ZC4H2: variants seen among roughly 807,000 people sequenced by gnomAD.
ZC4H2 encodes the protein zinc finger C4H2 domain-containing protein.
For missense variants in ZC4H2, 137 were observed against 173.9 expected (o/e 0.79, Z 1.19); for synonymous variants, 84 against 66.3 (o/e 1.27, Z -1.30).
chrX:64,952,208 G>C (rs1286152660), intron 1 of ZC4H2, among the ~76,000 whole-genome samples: 2 of 110,472 alleles, frequency 1.8e-5, no homozygotes, highest in East Asian at 2.8e-4. Flanking sequence ...CTGTAGCCTT[G>C]AAGTATAGTT....
intron 1 of ZC4H2, among the ~76,000 whole-genome samples, chrX:65,017,870 G>GA (rs1383798453): frequency 5.4e-5 from 6 of 112,029 alleles, no homozygotes; most frequent in African/African-American, 1.9e-4. Context: ...GGGTGAAACA[G>GA]AAAAAAATTG....
rs191001759 is a variant in ZC4H2, at chrX:64,926,977, T to C, written c.54-4989A>G. Among the ~76,000 whole-genome samples the C allele has an allele frequency of 1.4e-3, 151 of 111,805 alleles. 1 individual carries two copies. Among genetic ancestry groups the C allele is most frequent in the Middle Eastern group, 4.6e-3 (1 of 217 alleles). ...TATTTGTTTTCTCACTGTTGAGTTTTAATATTTCTTTATATATTCTAGATT... is the reference window on the plus strand; with the variant it reads ...TATTTGTTTTCTCACTGTTGAGTTTCAATATTTCTTTATATATTCTAGATT... On this transcript the variant is annotated intron_variant, in intron 1 of 4. Transcript: ENST00000374839.
chrX:64,976,705 A>G (rs987121018), upstream of ZC4H2, among the ~76,000 whole-genome samples: 6 of 111,826 alleles, frequency 5.4e-5, no homozygotes, highest in African/African-American at 2.0e-4. Flanking sequence ...CGTGTGTGGG[A>G]AAATGGAGAA....
intron 1 of ZC4H2, among the ~76,000 whole-genome samples, chrX:64,990,412 T>C (rs1602441516): frequency 9.0e-6 from 1 of 111,036 alleles, no homozygotes; most frequent in East Asian, 2.9e-4. Context: ...ATATGAGGGT[T>C]CCTTGTGGTG....
At chrX:65,009,110 T>C (rs1263582656) in intron 1 of ZC4H2, among the ~76,000 whole-genome samples, 1 of 111,981 alleles carries the variant, frequency 8.9e-6, no homozygotes, top group Non-Finnish European at 1.9e-5. Flanking sequence ...GTATCCATAA[T>C]AATTTACAAT....
At chrX:65,017,341 G>A (rs1304869315) in intron 1 of ZC4H2, among the ~76,000 whole-genome samples, 4 of 112,017 alleles carry the variant, frequency 3.6e-5, no homozygotes, top group Admixed American at 1.9e-4. Context: ...TTTCACACAC[G>A]AAATTATGCA....
At chrX:64,988,129 T>C (rs1260780356) in intron 1 of ZC4H2, among the ~76,000 whole-genome samples, 1 of 110,354 alleles carries the variant, frequency 9.1e-6, no homozygotes, top group Non-Finnish European at 1.9e-5. Flanking sequence ...TAATCCACTC[T>C]ATCATTGTTG....
At chrX:64,933,650 C>G (rs1203650877) in intron 1 of ZC4H2, among the ~76,000 whole-genome samples, 1 of 110,612 alleles carries the variant, frequency 9.0e-6, no homozygotes, top group African/African-American at 3.3e-5. Context: ...GAATCTTTTC[C>G]AACTGGCTTT....
intron 1 of ZC4H2, among the ~76,000 whole-genome samples, chrX:64,945,886 A>G (rs1192075765): frequency 9.0e-6 from 1 of 110,891 alleles, no homozygotes; most frequent in Non-Finnish European, 1.9e-5. Flanking sequence ...CTGTGTGGGG[A>G]AAACCACCTA....
intron 1 of ZC4H2, among the ~76,000 whole-genome samples, chrX:65,022,388 T>C (rs1932843211): frequency 8.9e-6 from 1 of 111,783 alleles, no homozygotes; most frequent in Non-Finnish European, 1.9e-5. Flanking sequence ...AATCAATAAA[T>C]GTAACCCATC....
At chrX:64,919,252 A>T in intron 3 of ZC4H2, 48 bp from the exon 4 acceptor site, 2 of 1,187,209 alleles carry the variant, frequency 1.7e-6, no homozygotes, top group Non-Finnish European at 2.3e-6. Context: ...AGCAATGAGA[A>T]CCTTGCTCCT....
At chrX:64,919,587 A>G (rs1301115771) in intron 3 of ZC4H2, 3 of 146,804 alleles carry the variant, frequency 2.0e-5, no homozygotes, top group African/African-American at 3.1e-5. Context: ...ACCTTTAGGA[A>G]ATGATTTCCT....
chrX:65,001,827 T>C (rs1025053537), intron 1 of ZC4H2, among the ~76,000 whole-genome samples: 1 of 111,363 alleles, frequency 9.0e-6, no homozygotes, highest in Admixed American at 9.5e-5. Flanking sequence ...AAAACAACAA[T>C]TATCAAAAAG....
intron 1 of ZC4H2, among the ~76,000 whole-genome samples, chrX:64,988,893 T>A (rs1932249750): frequency 9.2e-6 from 1 of 108,428 alleles, no homozygotes; most frequent in Non-Finnish European, 1.9e-5. Flanking sequence ...TTGAATTAAT[T>A]TTTGTATAAG....
chrX:64,981,847 G>C (rs1460069669), intron 1 of ZC4H2, among the ~76,000 whole-genome samples: 1 of 111,310 alleles, frequency 9.0e-6, no homozygotes, highest in African/African-American at 3.3e-5. Context: ...GATGGGACTT[G>C]TGGGTGATTA....
intron 1 of ZC4H2, among the ~76,000 whole-genome samples, chrX:64,961,538 T>G (rs1387819487): frequency 9.0e-6 from 1 of 111,466 alleles, no homozygotes; most frequent in East Asian, 2.8e-4. Flanking sequence ...AATAATTCTA[T>G]TAACCATGTG....
intron 1 of ZC4H2, among the ~76,000 whole-genome samples, chrX:64,953,434 C>G (rs972948717): frequency 3.6e-5 from 4 of 111,927 alleles, no homozygotes; most frequent in Non-Finnish European, 7.5e-5. Flanking sequence ...TGACAAAGGG[C>G]TAATATCCAG....
chrX:64,976,797 CA>C (rs1410962865), upstream of ZC4H2, among the ~76,000 whole-genome samples: 5 of 110,873 alleles, frequency 4.5e-5, no homozygotes, highest in Non-Finnish European at 9.4e-5. Context: ...TACCCACCCG[CA>C]AAAGATTAGC....
intron 1 of ZC4H2, among the ~76,000 whole-genome samples, chrX:64,950,600 A>T (rs887546941): frequency 9.0e-6 from 1 of 110,505 alleles, no homozygotes; most frequent in African/African-American, 3.3e-5. Context: ...TACCATTATG[A>T]AATGACCTTC....
Sources: allele counts gnomAD v4.1 joint callset (sites outside exome capture counted in the v4.1 genomes callset), GRCh38; gene constraint gnomAD v4.1.1; transcripts MANE v1.5; gene names NCBI Gene and HGNC (gene_info 2026-07-23, HGNC 2026-07-21).